The following RFC5 variants were observed in gnomAD, a reference collection of about 807,000 sequenced individuals.
RFC5 encodes the protein A1 36 kDa subunit.
A neutral mutation model predicts 44.3 loss-of-function variants in RFC5; 26 were observed. The ratio of observed to expected loss-of-function variants is 0.59; its 90% CI spans 0.43 to 0.81. The LOEUF (loss-of-function observed/expected upper bound fraction) is 0.81, where lower values mean the gene tolerates loss of function less well. Among genes scored for constraint, RFC5 ranks in the 40% least tolerant of loss-of-function variants. RFC5 has a pLI of 0.00. For missense variants in RFC5, 328 were observed against 418.6 expected, an observed-to-expected ratio of 0.78 and a Z score of 1.89; for synonymous variants, 155 against 155.2, an observed-to-expected ratio of 1.00 and a Z score of 0.01.
downstream of RFC5, chr12:118,036,347 C>T (rs774705379): frequency 1.1e-5 from 18 of 1,613,964 alleles, 1 homozygote; most frequent in South Asian, 1.4e-4. Context: ...CTGGAGTGAC[C>T]TCAGCCTTTC....
chr12:118,033,488 T>C (rs1186097285), downstream of RFC5: 1 of 149,974 alleles, frequency 6.7e-6, no homozygotes, highest in African/African-American at 2.5e-5. Context: ...GGTTTAAGAA[T>C]ACATCCTTGT....
chr12:118,024,182 A>G (rs2030762512), intron 5 of RFC5, among the ~76,000 whole-genome samples: 1 of 151,978 alleles, frequency 6.6e-6, no homozygotes, highest in Non-Finnish European at 1.5e-5. Flanking sequence ...TCTACTAAAA[A>G]TATAAAAAAT....
downstream of RFC5, chr12:118,034,651 G>A (rs2031463681): frequency 2.0e-6 from 1 of 490,372 alleles, no homozygotes. Flanking sequence ...GGGGAAGAGT[G>A]CCACCTACTG....
chr12:118,038,470 AGC>A, the RFC5 span: 5 of 1,314,072 alleles, frequency 3.8e-6, no homozygotes, highest in Non-Finnish European at 4.3e-6. Context: ...GGGTGGTAAC[AGC>A]CCCCAGCCCA....
downstream of RFC5, chr12:118,034,169 AC>A (rs1566134486): frequency 6.2e-7 from 1 of 1,613,650 alleles, no homozygotes; most frequent in Non-Finnish European, 8.5e-7. Flanking sequence ...TTACCCTGCT[AC>A]AAAGAAGCAC....
chr12:118,035,291 A>G, downstream of RFC5: 1 of 1,614,214 alleles, frequency 6.2e-7, no homozygotes, highest in Non-Finnish European at 8.5e-7. Context: ...TGTGGACGTC[A>G]CTGTCATCCA....
At chr12:118,023,333 C>G (rs946229867) in intron 5 of RFC5, among the ~76,000 whole-genome samples, 9 of 147,210 alleles carry the variant, frequency 6.1e-5, no homozygotes, top group Middle Eastern at 3.5e-3. Flanking sequence ...GAGAGAAGAA[C>G]GATCTTTAGG....
At chr12:118,021,253 A>G (rs920213175) in intron 4 of RFC5, among the ~76,000 whole-genome samples, 1 of 150,696 alleles carries the variant, frequency 6.6e-6, no homozygotes, top group Admixed American at 6.6e-5. Context: ...CCTGTATCGT[A>G]CAGGCTGGAG....
chr12:118,034,177 G>A, downstream of RFC5: 9 of 1,613,900 alleles, frequency 5.6e-6, no homozygotes, highest in Non-Finnish European at 7.6e-6. Flanking sequence ...CTACAAAGAA[G>A]CACAAGATGT....
chr12:118,019,584 G>A lies in RFC5; in HGVS notation c.131-48G>A. On this transcript the variant is annotated intron_variant, in intron 2 of 10. Transcript: ENST00000454402. This position sits in a 1 kb window ranked among gnomAD's most constrained non-coding sequence, Gnocchi z 4.2. ...CAACTCAGGAGCCCAGGGTGAATGA[G>A]GCAGCTCCCAAAGACTGATGGTGCC... 1 of 1,611,082 alleles carries A rather than the reference G, an allele frequency of 6.2e-7. No homozygotes were observed. The highest frequency in any genetic ancestry group is 8.5e-7 in the Non-Finnish European group (1 of 1,178,188).
At chr12:118,027,456 G>A in intron 8 of RFC5, 1 of 162,348 alleles carries the variant, frequency 6.2e-6, no homozygotes, top group South Asian at 1.7e-4. Flanking sequence ...TAGATCACTT[G>A]AGGTCAGGAG....
rs746520245 is a variant in RFC5, at chr12:118,019,588, G to C, written c.131-44G>C. 1.2e-6 allele frequency: 2 copies of C among 1,611,060 alleles called. No homozygotes were observed. The highest frequency in any genetic ancestry group is 1.1e-5 in the South Asian group (1 of 90,896). On this transcript the variant is annotated intron_variant, in intron 2 of 10. Transcript: ENST00000454402. The surrounding 1 kb of genome is among the most constrained non-coding windows in gnomAD (Gnocchi z 4.2). ...TCAGGAGCCCAGGGTGAATGAGGCAGCTCCCAAAGACTGATGGTGCCCTTC... is the reference window on the plus strand; with the variant it reads ...TCAGGAGCCCAGGGTGAATGAGGCACCTCCCAAAGACTGATGGTGCCCTTC...
intron 8 of RFC5, among the ~76,000 whole-genome samples, chr12:118,027,682 A>G (rs2031043374): frequency 6.8e-6 from 1 of 146,856 alleles, no homozygotes; most frequent in Non-Finnish European, 1.5e-5. Context: ...AAAAAAAAAA[A>G]AAAAGAAAGA....
At chr12:118,036,104 A>T (rs2031503793), downstream of RFC5, 2 of 369,072 alleles carry the variant, frequency 5.4e-6, no homozygotes, top group Non-Finnish European at 9.9e-6. Context: ...CGGGAGGCTC[A>T]GGCAGCAGAA....
the RFC5 span, among the ~76,000 whole-genome samples, chr12:118,041,327 G>C: frequency 1.3e-5 from 2 of 152,192 alleles, no homozygotes; most frequent in Non-Finnish European, 2.9e-5. Flanking sequence ...AGGATGCAGA[G>C]AGAAGGTGGC....
In RFC5 at chr12:118,025,020, T is replaced by C. The variant is rs201728953; in HGVS notation, c.581+10T>C. ...TCGTGGAAGAAGAGAAGTGAGTATT[T>C]TGCGGGCCTTTGGGGATGGAGTGTA... On this transcript the variant is annotated intron_variant, in intron 6 of 10. Coordinates refer to ENST00000454402, the MANE Select transcript of RFC5 (RefSeq NM_007370.7). The C allele has an allele frequency of 5.6e-5, 91 of 1,611,374 alleles. No individual in the cohort carries two copies. The highest frequency in any genetic ancestry group is 3.0e-4 in the South Asian group (27 of 90,742).
downstream of RFC5, chr12:118,032,658 G>GCTA (rs2031384904): frequency 6.6e-6 from 1 of 151,946 alleles, no homozygotes; most frequent in African/African-American, 2.4e-5. Context: ...AGTAGCTGGG[G>GCTA]CTACCATGCA....
Position 118,019,778 on chromosome 12 carries a change from A to T in RFC5, c.267+10A>T. The T allele has an allele frequency of 6.2e-7, 1 of 1,609,960 alleles. No homozygotes were observed. Among genetic ancestry groups the T allele is most frequent in the Admixed American group, 1.7e-5 (1 of 59,548 alleles). On this transcript the variant is annotated intron_variant, in intron 3 of 10. Transcript: ENST00000454402. The surrounding 1 kb of genome is among the most constrained non-coding windows in gnomAD (Gnocchi z 4.2). ...CTCCATGGTCTTGGAGGTAAATAAG[A>T]TTGTTCTTACTCTACAAATAACTTA... is the stretch of plus-strand genomic sequence containing the variant.
intron 9 of RFC5, among the ~76,000 whole-genome samples, chr12:118,028,614 G>T (rs991872285): frequency 6.7e-6 from 1 of 149,476 alleles, no homozygotes; most frequent in African/African-American, 2.5e-5. Flanking sequence ...TTTTATAGCA[G>T]TAAGTAGTAT....
Sources: gnomAD v4.1 joint callset for allele counts (sites outside exome capture counted in the v4.1 genomes callset) on GRCh38, gnomAD v4.1.1 for gene constraint, Gnocchi (gnomAD v3.1) non-coding constraint, MANE v1.5 for transcripts, NCBI Gene and HGNC (gene_info 2026-07-23, HGNC 2026-07-21) for gene names.